The following WHRN variants were observed in gnomAD, a reference collection of about 807,000 sequenced individuals.
The protein encoded by WHRN is whirlin.
In WHRN, 41 loss-of-function variants were observed where a neutral mutation model predicts 68.3. The observed-to-expected ratio is 0.60, with a 90% CI of 0.47 to 0.78. WHRN has a LOEUF of 0.78. Ranked by LOEUF, WHRN falls within the 30% of genes least tolerant of loss-of-function variation. The pLI is 0.00. For synonymous variants in WHRN, 560 were observed against 561.3 expected (o/e 1.00, Z 0.03); for missense variants, 1,243 against 1,244.7 (o/e 1.00, Z 0.02).
chr9:114,434,864 G>A lies in WHRN; in HGVS notation c.964-8451C>T, dbSNP rs1164061847. Among the ~76,000 whole-genome samples, 3 of 152,044 alleles carry A rather than the reference G, an allele frequency of 2.0e-5. No homozygotes were observed. In the East Asian group the frequency reaches 5.8e-4, roughly 29 times the overall value. ...CAAGCTCCTCTGCCTACCCTGAGAG[G>A]GGCATTAGCATCCGAACCAATCTCG... On this transcript the variant is annotated intron_variant, in intron 3 of 11. Transcript: ENST00000362057.
chr9:114,469,909 C>T (rs1841058480), intron 2 of WHRN, among the ~76,000 whole-genome samples: 2 of 152,198 alleles, frequency 1.3e-5, no homozygotes, highest in Non-Finnish European at 2.9e-5. Context: ...GTTCATGGCC[C>T]CATCCTCCAT....
intron 3 of WHRN, among the ~76,000 whole-genome samples, chr9:114,453,282 C>T (rs1839496801): frequency 6.6e-6 from 1 of 152,086 alleles, no homozygotes; most frequent in Non-Finnish European, 1.5e-5. Context: ...CCAGCTCTCA[C>T]ATGAACTAAT....
Position 114,406,692 on chromosome 9 carries a change from G to A in WHRN, c.1899C>T (p.Thr633=), listed in dbSNP as rs766721147. The change falls in exon 9 of 12, where the codon ACC becomes ACT. Residue 633 remains threonine, a synonymous_variant. Coordinates refer to ENST00000362057, the MANE Select transcript of WHRN (RefSeq NM_015404.4). ...CAGAGGAGGTCCCTGGGGTGGGTGC[G>A]GTGCCCGCTGGCGGGCTGCGGTTCT... ...APQNRSPPAG[T]APTPGTSSAQ... The A allele has an allele frequency of 1.4e-5, 22 of 1,614,038 alleles. No homozygotes were observed. The highest frequency in any genetic ancestry group is 1.7e-4 in the Middle Eastern group (1 of 6,042).
intron 2 of WHRN, among the ~76,000 whole-genome samples, chr9:114,474,785 C>G (rs924401468): frequency 6.6e-6 from 1 of 152,170 alleles, no homozygotes; most frequent in African/African-American, 2.4e-5. Flanking sequence ...CCTCCTCACA[C>G]TGGGGAGGTG....
chr9:114,439,389 C>A (rs1838171997), intron 3 of WHRN, among the ~76,000 whole-genome samples: 1 of 152,188 alleles, frequency 6.6e-6, no homozygotes, highest in Non-Finnish European at 1.5e-5. Flanking sequence ...ACAAAATAAA[C>A]TGCAAACAAA....
intron 3 of WHRN, among the ~76,000 whole-genome samples, chr9:114,435,263 G>A (rs1267887532): frequency 6.6e-6 from 1 of 152,162 alleles, no homozygotes; most frequent in Non-Finnish European, 1.5e-5. Flanking sequence ...AATGCCTGAC[G>A]GAATCCATGA....
At chr9:114,477,704 C>T (rs913639906) in intron 2 of WHRN, among the ~76,000 whole-genome samples, 8 of 152,220 alleles carry the variant, frequency 5.3e-5, no homozygotes, top group African/African-American at 1.9e-4. Flanking sequence ...CTGCAGGCTG[C>T]ACCCTGAGAT....
chr9:114,460,367 G>A (rs561330162), intron 3 of WHRN, among the ~76,000 whole-genome samples: 2 of 152,340 alleles, frequency 1.3e-5, no homozygotes, highest in East Asian at 1.9e-4. Flanking sequence ...CAGGGCTACC[G>A]GTAGGATGAA....
intron 2 of WHRN, 51 bp downstream of exon 2, chr9:114,478,500 GGA>G: frequency 6.3e-7 from 1 of 1,597,470 alleles, no homozygotes; most frequent in Non-Finnish European, 8.6e-7. Flanking sequence ...TTCTGGGTTC[GGA>G]GGGAGAATAC....
chr9:114,477,120 T>C (rs976520013), intron 2 of WHRN, among the ~76,000 whole-genome samples: 2 of 152,216 alleles, frequency 1.3e-5, no homozygotes, highest in Admixed American at 1.3e-4. Context: ...ACAAGCTACC[T>C]GCTGCCGCTC....
At chr9:114,494,737 T>C (rs1297046054) in intron 1 of WHRN, among the ~76,000 whole-genome samples, 1 of 152,138 alleles carries the variant, frequency 6.6e-6, no homozygotes, top group Non-Finnish European at 1.5e-5. Context: ...GTGATGAAAA[T>C]GATACCTACT....
chr9:114,453,890 A>AT (rs1456198667), intron 3 of WHRN, among the ~76,000 whole-genome samples: 10 of 152,214 alleles, frequency 6.6e-5, no homozygotes, highest in African/African-American at 2.4e-4. Context: ...ACTATCCTTC[A>AT]TGAACACAAA....
intron 9 of WHRN, among the ~76,000 whole-genome samples, chr9:114,405,054 C>T (rs1834922735): frequency 7.1e-6 from 1 of 141,356 alleles, no homozygotes; most frequent in African/African-American, 2.7e-5. Context: ...GAAATTACTA[C>T]TTTCTCTCTC....
intron 2 of WHRN, among the ~76,000 whole-genome samples, chr9:114,469,565 G>A (rs545560662): frequency 6.6e-6 from 1 of 152,272 alleles, no homozygotes; most frequent in South Asian, 2.1e-4. Context: ...TGATGGCGGT[G>A]GGTAAAAGCC....
intron 7 of WHRN, among the ~76,000 whole-genome samples, chr9:114,423,112 C>T (rs770925948): frequency 4.6e-5 from 7 of 152,038 alleles, no homozygotes; most frequent in Admixed American, 1.3e-4. Flanking sequence ...ACCTGTTGTC[C>T]CCAAGAGCCC....
rs957453058 is a variant in WHRN at position 114,469,162 on chromosome 9, G to A, written c.838-2770C>T. On this transcript the variant is annotated intron_variant, in intron 2 of 11. Coordinates refer to ENST00000362057, the MANE Select transcript of WHRN (RefSeq NM_015404.4). ...GAAGCACTAGGAAACAGTGGCTGTC[G>A]TTATCCTCACAGTGGCATCTCAGCC... Among the ~76,000 whole-genome samples, 4 of 152,322 alleles carry A rather than the reference G, an allele frequency of 2.6e-5. No homozygotes were observed. In the South Asian group the frequency reaches 6.2e-4, roughly 24 times the overall value.
chr9:114,441,649 G>T (rs1299377867), intron 3 of WHRN, among the ~76,000 whole-genome samples: 1 of 152,124 alleles, frequency 6.6e-6, no homozygotes, highest in African/African-American at 2.4e-5. Flanking sequence ...ATCCAAATCT[G>T]GGACACTCTG....
At chr9:114,404,157 G>T (rs1834866364) in intron 9 of WHRN, 80 bp from the exon 10 acceptor site, 1 of 1,449,932 alleles carries the variant, frequency 6.9e-7, no homozygotes. Context: ...TGACGGAGAT[G>T]GAGGCTGGAA....
rs77596861 is a variant in WHRN at position 114,470,091 on chromosome 9, C to A, written c.838-3699G>T. The stretch of plus-strand genomic sequence containing the variant: ...ATCACGTACTCACATCTGCAACATC[C>A]CTTTTGCTATATAAGGGTTCCACTC... On this transcript the variant is annotated intron_variant, in intron 2 of 11. Coordinates refer to ENST00000362057, the MANE Select transcript of WHRN (RefSeq NM_015404.4). Among the ~76,000 whole-genome samples, 460 of 152,308 alleles carry A rather than the reference C, an allele frequency of 3.0e-3. 4 individuals are homozygous for A. The highest frequency in any genetic ancestry group is 0.01 in the African/African-American group (436 of 41,540).
Sources: allele counts gnomAD v4.1 joint callset (sites outside exome capture counted in the v4.1 genomes callset), GRCh38; gene constraint gnomAD v4.1.1; transcripts MANE v1.5; gene names NCBI Gene and HGNC (gene_info 2026-07-23, HGNC 2026-07-21).